The following SPATS2L variants were observed in gnomAD, a reference collection of about 807,000 sequenced individuals.
The protein encoded by SPATS2L is SPATS2-like protein.
SPATS2L carries 30 observed loss-of-function variants against 59.6 expected under a neutral mutation model. The observed-to-expected ratio is 0.50, with a 90% CI of 0.38 to 0.68. The LOEUF (loss-of-function observed/expected upper bound fraction) is 0.68. Ranked by LOEUF, SPATS2L falls within the 30% of genes least tolerant of loss-of-function variation. The pLI, the probability that SPATS2L is intolerant of heterozygous loss-of-function variation, is 0.00. For synonymous variants in SPATS2L, 252 were observed against 263.5 expected (o/e 0.96, Z 0.42); for missense variants, 615 against 700.0 (o/e 0.88, Z 1.37).
At chr2:200,406,177 G>T (rs1380939135) in intron 3 of SPATS2L, among the ~76,000 whole-genome samples, 1 of 152,116 alleles carries the variant, frequency 6.6e-6, no homozygotes, top group East Asian at 1.9e-4. Context: ...GTAAATAATG[G>T]TGGCAATGTC....
intron 10 of SPATS2L, among the ~76,000 whole-genome samples, chr2:200,468,240 C>G (rs1157357892): frequency 6.6e-6 from 1 of 151,706 alleles, no homozygotes; most frequent in South Asian, 2.1e-4. Context: ...CATCAGGGTA[C>G]AGTTACCAGA....
At chr2:200,357,146 A>G (rs1021702439) in intron 2 of SPATS2L, among the ~76,000 whole-genome samples, 1 of 152,210 alleles carries the variant, frequency 6.6e-6, no homozygotes, top group Admixed American at 6.5e-5. Flanking sequence ...CTATAATGTC[A>G]TCATCCAACA....
chr2:200,455,710 C>T (rs1320954421), intron 8 of SPATS2L, among the ~76,000 whole-genome samples: 1 of 152,172 alleles, frequency 6.6e-6, no homozygotes, highest in Admixed American at 6.5e-5. Context: ...GGACTCGCTC[C>T]TCCCTCCATA....
intron 8 of SPATS2L, among the ~76,000 whole-genome samples, chr2:200,457,593 G>A (rs955307579): frequency 6.6e-6 from 1 of 152,236 alleles, no homozygotes; most frequent in African/African-American, 2.4e-5. Context: ...ACACCAAAGT[G>A]ATCATATCCA....
Position 200,341,653 on chromosome 2 carries a change from A to G in SPATS2L, c.-23+12173A>G, listed in dbSNP as rs148269777. On this transcript the variant is annotated intron_variant, in intron 2 of 12. Coordinates refer to ENST00000409140, the MANE Select transcript of SPATS2L (RefSeq NM_001100423.2). ...AAGGGATCCTTTCCAAAATGGTGGCATTTAGAAGCATTTAGAGGACAGGCA... is the reference window on the plus strand; with the variant it reads ...AAGGGATCCTTTCCAAAATGGTGGCGTTTAGAAGCATTTAGAGGACAGGCA... Among the ~76,000 whole-genome samples the G allele has an allele frequency of 4.7e-3, 705 of 151,508 alleles. 4 individuals carry two copies. The highest frequency in any genetic ancestry group is 0.016 in the African/African-American group (655 of 41,330).
At chr2:200,359,859 C>A (rs895709569) in intron 2 of SPATS2L, among the ~76,000 whole-genome samples, 1 of 152,204 alleles carries the variant, frequency 6.6e-6, no homozygotes, top group Non-Finnish European at 1.5e-5. Flanking sequence ...CCAGCTGAGT[C>A]TGTCTGGACT....
chr2:200,378,219 A>T, intron 2 of SPATS2L: 1 of 1,001,926 alleles, frequency 1.0e-6, no homozygotes, highest in Non-Finnish European at 1.2e-6. Flanking sequence ...CTGGCTCCAC[A>T]TTCGTCACTA....
intron 1 of SPATS2L, among the ~76,000 whole-genome samples, chr2:200,320,992 T>G (rs2079543105): frequency 6.6e-6 from 1 of 152,186 alleles, no homozygotes; most frequent in Non-Finnish European, 1.5e-5. Flanking sequence ...ATGCATTTTC[T>G]TTTTTGAAAA....
chr2:200,459,701 G>A (rs1348062825), intron 8 of SPATS2L, 68 bp from the exon 9 acceptor site: 2 of 1,179,672 alleles, frequency 1.7e-6, no homozygotes, highest in African/African-American at 1.5e-5. Context: ...TTTACTTTCA[G>A]TGCTTATTAA....
At chr2:200,326,581 A>C (rs890232211) in intron 1 of SPATS2L, among the ~76,000 whole-genome samples, 1 of 152,174 alleles carries the variant, frequency 6.6e-6, no homozygotes, top group Non-Finnish European at 1.5e-5. Flanking sequence ...TTGCCATTGC[A>C]TAAAATAATT....
chr2:200,383,675 A>G (rs575599150), intron 2 of SPATS2L, among the ~76,000 whole-genome samples: 16 of 152,344 alleles, frequency 1.1e-4, no homozygotes, highest in South Asian at 2.1e-4. Flanking sequence ...ACGTCATGAC[A>G]TTTGGCATTT....
intron 2 of SPATS2L, among the ~76,000 whole-genome samples, chr2:200,366,180 A>G (rs185224077): frequency 1.3e-5 from 2 of 152,374 alleles, no homozygotes; most frequent in East Asian, 3.9e-4. Context: ...CAACAATCAT[A>G]TCTTGCAAAG....
rs765243699 is a variant in SPATS2L, at chr2:200,351,320, T to G, written c.-23+21840T>G. On this transcript the variant is annotated intron_variant, in intron 2 of 12. Coordinates refer to ENST00000409140, the MANE Select transcript of SPATS2L (RefSeq NM_001100423.2). ...GTACCGGGAATACAGAGGAATGATG[T>G]TTGCTAAGTGAATAAACTTAATGTA... 8 of 471,254 alleles carry G rather than the reference T, an allele frequency of 1.7e-5. 1 individual carries two copies. Among genetic ancestry groups the G allele is most frequent in the Non-Finnish European group, 3.5e-5 (8 of 227,030 alleles). The allele number at this position is 471,254 out of a possible 1,614,324, so 29.2% of individuals were successfully genotyped here. A position where few individuals can be genotyped will look rare whatever the true frequency, so the allele number is the denominator to read the frequency against.
At chr2:200,307,010 C>A in intron 1 of SPATS2L, 88 bp downstream of exon 1, 3 of 969,268 alleles carry the variant, frequency 3.1e-6, no homozygotes, top group Non-Finnish European at 3.7e-6. Context: ...GGGACGGAGA[C>A]TCGGCTGGGC....
chr2:200,407,338 G>T lies in SPATS2L; in HGVS notation c.40-4973G>T, dbSNP rs1260683946. Among the ~76,000 whole-genome samples the T allele has an allele frequency of 3.9e-5, 6 of 152,170 alleles. 1 individual carries two copies. The South Asian group carries it at 1.2e-3, about 32-fold the overall frequency. On this transcript the variant is annotated intron_variant, in intron 3 of 12. Transcript: ENST00000409140. ...TGTCTAACTCCAGCGCTCCTTCCAT[G>T]ACATTTGGCTCTCTATAAAGTACTC...
At chr2:200,415,829 T>C (rs1046169712) in intron 4 of SPATS2L, among the ~76,000 whole-genome samples, 3 of 152,138 alleles carry the variant, frequency 2.0e-5, no homozygotes, top group African/African-American at 7.2e-5. Flanking sequence ...GGTAGAAGCC[T>C]TGTAGACCAC....
In SPATS2L at chr2:200,439,188, C is replaced by T. The variant is rs1361802674; in HGVS notation, c.512C>T (p.Thr171Ile). 1 of 1,613,710 alleles carries T rather than the reference C, an allele frequency of 6.2e-7. No homozygotes were observed. The highest frequency in any genetic ancestry group is 1.3e-5 in the African/African-American group (1 of 75,014). The change falls in exon 7 of 13, where the codon ACA becomes ATA. Residue 171 changes from threonine to isoleucine, a missense_variant. By Grantham distance (89) the Thr-to-Ile change is moderately conservative (BLOSUM62 -1). Transcript: ENST00000409140. ...AACCCCAAACCTATACATGGAACAACAGAGAGGTCAGATGGCCTACAGTGG... is the reference window on the plus strand; with the variant it reads ...AACCCCAAACCTATACATGGAACAATAGAGAGGTCAGATGGCCTACAGTGG... ...DGNPKPIHGT[T>I]ERSDGLQWSA...
At chr2:200,398,179 A>G (rs1321165428) in intron 3 of SPATS2L, among the ~76,000 whole-genome samples, 1 of 152,126 alleles carries the variant, frequency 6.6e-6, no homozygotes, top group East Asian at 1.9e-4. Context: ...CTGGGGTGCA[A>G]ATGCACTGGG....
At chr2:200,340,180 G>A (rs2080275414) in intron 2 of SPATS2L, among the ~76,000 whole-genome samples, 1 of 152,110 alleles carries the variant, frequency 6.6e-6, no homozygotes. Context: ...CTTGGTATTG[G>A]GTGGCCTCTG....
Sources: allele counts gnomAD v4.1 joint callset (sites outside exome capture counted in the v4.1 genomes callset), GRCh38; gene constraint gnomAD v4.1.1; transcripts MANE v1.5; gene names NCBI Gene and HGNC (gene_info 2026-07-23, HGNC 2026-07-21).